Variants in FAP observed in about 807,000 individuals in gnomAD.
FAP encodes the protein fibroblast activation protein alpha, also known as prolyl endopeptidase FAP.
FAP carries 110 observed loss-of-function variants against 126.5 expected under a neutral mutation model. That is an observed-to-expected ratio of 0.87 (90% CI 0.74 to 1.02). The LOEUF is 1.02. Ranked by LOEUF, FAP falls within the 50% of genes least tolerant of loss-of-function variation. The pLI is 0.00. For missense variants in FAP, 919 were observed against 909.2 expected (o/e 1.01, Z -0.14); for synonymous variants, 334 against 297.3 (o/e 1.12, Z -1.27).
At chr2:162,188,420 C>T in intron 19 of FAP, 57 bp from the exon 20 acceptor site, 1 of 1,456,536 alleles carries the variant, frequency 6.9e-7, no homozygotes, top group South Asian at 1.2e-5. Context: ...ACTCAATTTC[C>T]CATCCTGGCC....
At chr2:162,234,421 G>A (rs1690021103) in intron 2 of FAP, among the ~76,000 whole-genome samples, 1 of 151,862 alleles carries the variant, frequency 6.6e-6, no homozygotes, top group Non-Finnish European at 1.5e-5. Flanking sequence ...CTTTATACAT[G>A]GATCTCGTAT....
intron 21 of FAP, among the ~76,000 whole-genome samples, chr2:162,179,764 A>G (rs1404381781): frequency 8.3e-5 from 6 of 72,360 alleles, no homozygotes; most frequent in Non-Finnish European, 5.9e-5. Flanking sequence ...GCACAGATCT[A>G]TCTATCTATC....
In FAP at chr2:162,219,110, C is replaced by T. The variant is rs761642525; in HGVS notation, c.560G>A (p.Gly187Glu). The T allele has an allele frequency of 1.2e-6, 2 of 1,605,350 alleles. No homozygotes were observed. The change falls in exon 8 of 26, where the codon GGA (glycine) becomes GAA (glutamate). Residue 187 changes from glycine to glutamate, a missense_variant. By Grantham distance (98) the Gly-to-Glu change is moderately conservative. Transcript: ENST00000188790. Reference sequence around the variant, plus strand: ...TCCATTAAATATTTTATTTTCTCTTCCATTAAATGTTATTTGAAAAGGTGG... The same window carrying T: ...TCCATTAAATATTTTATTTTCTCTTTCATTAAATGTTATTTGAAAAGGTGG... Reference protein sequence around the residue: ...GDPPFQITFNGRENKIFNGIP... With the variant: ...GDPPFQITFNERENKIFNGIP...
intron 11 of FAP, among the ~76,000 whole-genome samples, chr2:162,211,912 C>T (rs1194163500): frequency 6.6e-6 from 1 of 151,952 alleles, no homozygotes; most frequent in African/African-American, 2.4e-5. Context: ...AAAGTGTGTG[C>T]GCACACACAC....
In FAP at chr2:162,172,121, C is replaced by T. The variant is rs1225967304; in HGVS notation, c.2181+690G>A. 27 of 152,028 alleles carry T rather than the reference C, an allele frequency of 1.8e-4. 1 individual carries two copies. Among genetic ancestry groups the T allele is most frequent in the Admixed American group, 1.8e-3 (27 of 15,234 alleles). The allele number at this position is 152,028 out of a possible 1,614,324, so 9.4% of individuals were successfully genotyped here. On this transcript the variant is annotated intron_variant, in intron 25 of 25. Transcript: ENST00000188790. ...ACAAATGTTGAAAAGATGGGGGTCT[C>T]CTTTTCGGGGTTCTTGTTCAACTTA...
chr2:162,198,448 A>T, intron 16 of FAP: 1 of 962,524 alleles, frequency 1.0e-6, no homozygotes, highest in Non-Finnish European at 1.4e-6. Context: ...AGTGCTGTGG[A>T]ATGTGGTGGT....
intron 17 of FAP, 77 bp downstream of exon 17, chr2:162,194,624 C>A: frequency 7.6e-7 from 1 of 1,322,658 alleles, no homozygotes; most frequent in South Asian, 1.2e-5. Flanking sequence ...GAGAAACTGT[C>A]CTGCTTTCTC....
At chr2:162,198,730 T>C in intron 16 of FAP, 27 bp downstream of exon 16, 1 of 1,612,760 alleles carries the variant, frequency 6.2e-7, no homozygotes, top group Non-Finnish European at 8.5e-7. Flanking sequence ...GTGGGGATGC[T>C]GTGCTTATGT....
intron 2 of FAP, among the ~76,000 whole-genome samples, chr2:162,239,010 A>G (rs1690244284): frequency 6.6e-6 from 1 of 152,206 alleles, no homozygotes; most frequent in African/African-American, 2.4e-5. Context: ...TATTATATAT[A>G]TATGTGTATG....
chr2:162,186,902 T>G (rs1410069403), intron 20 of FAP, among the ~76,000 whole-genome samples: 1 of 152,026 alleles, frequency 6.6e-6, no homozygotes, highest in Non-Finnish European at 1.5e-5. Flanking sequence ...AACTATCTCC[T>G]CCAAACAAGT....
At chr2:162,179,804 ATATATATATT>A (rs1559761547) in intron 21 of FAP, among the ~76,000 whole-genome samples, 2 of 139,898 alleles carry the variant, frequency 1.4e-5, no homozygotes, top group Admixed American at 1.5e-4. Context: ...ATATATATAT[ATATATATATT>A]TTTTTTTTTT....
intron 16 of FAP, chr2:162,198,491 G>T: frequency 2.9e-6 from 2 of 697,126 alleles, no homozygotes; most frequent in Non-Finnish European, 4.3e-6. Context: ...AACAGCACTT[G>T]CTTCAGTCCT....
At chr2:162,179,492 G>A (rs1576134616) in intron 21 of FAP, among the ~76,000 whole-genome samples, 2 of 152,192 alleles carry the variant, frequency 1.3e-5, no homozygotes, top group East Asian at 3.9e-4. Flanking sequence ...CAGAAACAAA[G>A]CTAAAATGAG....
chr2:162,184,874 A>C (rs562696559), intron 20 of FAP, among the ~76,000 whole-genome samples: 10 of 152,110 alleles, frequency 6.6e-5, no homozygotes, highest in Non-Finnish European at 1.3e-4. Flanking sequence ...ATACTACCTT[A>C]CATCTGGGGT....
intron 16 of FAP, chr2:162,197,470 A>G: frequency 2.3e-6 from 1 of 441,434 alleles, no homozygotes. Flanking sequence ...TTTAAATGCC[A>G]GTAACCACAA....
At position 162,212,073 on chromosome 2, in the gene FAP, A is replaced by G. The variant is rs1382499553; in HGVS notation, c.1002+1865T>C. Among the ~76,000 whole-genome samples the G allele has an allele frequency of 2.6e-5, 4 of 152,178 alleles. No individual in the cohort carries two copies. In the East Asian group the frequency reaches 7.7e-4, roughly 29 times the overall value. ...CAAACATGATATTCTAAATTTAAGC[A>G]CTGTTTTCTGGCTGTAAAACTAAAG... is the stretch of plus-strand genomic sequence containing the variant. On this transcript the variant is annotated intron_variant, in intron 11 of 25. Coordinates refer to ENST00000188790, the MANE Select transcript of FAP (RefSeq NM_004460.5).
intron 19 of FAP, 59 bp from the exon 20 acceptor site, chr2:162,188,422 A>T: frequency 6.9e-7 from 1 of 1,451,028 alleles, no homozygotes. Context: ...TCAATTTCCC[A>T]TCCTGGCCAA....
At chr2:162,175,171 A>G in intron 21 of FAP, 1 of 477,012 alleles carries the variant, frequency 2.1e-6, no homozygotes, top group Non-Finnish European at 3.8e-6. Flanking sequence ...AATTCATTAG[A>G]AATACTTGGT....
chr2:162,243,260 T>C, intron 1 of FAP, 62 bp downstream of exon 1: 1 of 1,271,988 alleles, frequency 7.9e-7, no homozygotes, highest in Non-Finnish European at 1.1e-6. Flanking sequence ...TAGAAAACTC[T>C]GATCACGTTC....
Sources: allele counts gnomAD v4.1 joint callset (sites outside exome capture counted in the v4.1 genomes callset), GRCh38; gene constraint gnomAD v4.1.1; transcripts MANE v1.5; gene names NCBI Gene and HGNC (gene_info 2026-07-23, HGNC 2026-07-21).